Variants in TRMU observed in about 807,000 individuals in gnomAD.
TRMU encodes the protein mitochondrial tRNA-specific 2-thiouridylase 1.
In TRMU, 49 loss-of-function variants were observed where a neutral mutation model predicts 46.9. The ratio of observed to expected loss-of-function variants is 1.05; its 90% CI spans 0.83 to 1.33. The LOEUF is 1.33. Ranked by LOEUF, TRMU falls within the 40% of genes most tolerant of loss-of-function variation. The probability of loss-of-function intolerance (pLI) is 0.00; values close to 1 mark genes in which losing one functional copy is unlikely to be tolerated. For missense variants in TRMU, 572 were observed against 532.4 expected, an observed-to-expected ratio of 1.07 and a Z score of -0.73; for synonymous variants, 241 against 200.9, an observed-to-expected ratio of 1.20 and a Z score of -1.69.
intron 2 of TRMU, among the ~76,000 whole-genome samples, chr22:46,340,678 A>C: frequency 8.0e-6 from 1 of 125,636 alleles, no homozygotes; most frequent in Non-Finnish European, 1.7e-5. Context: ...CGGAGCTGGG[A>C]TTAAACCCCA....
chr22:46,335,873 C>A (rs769563428), intron 1 of TRMU, 27 bp downstream of exon 1: 8 of 1,531,946 alleles, frequency 5.2e-6, no homozygotes, highest in African/African-American at 2.8e-5. Flanking sequence ...TCCCGCCCCC[C>A]GCCGAGCGAA....
rs2078313966 is a variant in TRMU at position 46,348,342 on chromosome 22, CGTTTG to C, written c.478+1800_478+1804del. Among the ~76,000 whole-genome samples the C allele has an allele frequency of 6.6e-6, 1 of 152,202 alleles. No individual in the cohort carries two copies. Among genetic ancestry groups the C allele is most frequent in the Non-Finnish European group, 1.5e-5 (1 of 68,026 alleles). The stretch of plus-strand genomic sequence containing the variant: ...CAGTACTGATGCGTTCTGTTGAGTG[CGTTTG>C]GCATGTGGGAATTGTGATGGTGCAC... On this transcript the variant is annotated intron_variant, in intron 4 of 10. Transcript: ENST00000645190. This position sits in a 1 kb window ranked among gnomAD's most constrained non-coding sequence, Gnocchi z 4.8.
chr22:46,336,249 G>T lies in TRMU; in HGVS notation c.82+403G>T. The T allele has an allele frequency of 1.4e-6, 1 of 704,832 alleles. No individual in the cohort carries two copies. The highest frequency in any genetic ancestry group is 1.8e-6 in the Non-Finnish European group (1 of 555,152). The allele number at this position is 704,832 out of a possible 1,614,324, so 43.7% of individuals were successfully genotyped here. The stretch of plus-strand genomic sequence containing the variant: ...CGGGGGCCTGACCTCTGCACACGCT[G>T]TGGCCGCCCGGTGGGAGGTCCTTGT... On this transcript the variant is annotated intron_variant, in intron 1 of 10. Transcript: ENST00000645190. This position sits in a 1 kb window ranked among gnomAD's most constrained non-coding sequence, Gnocchi z 4.1.
In TRMU at chr22:46,351,184, C is replaced by T. The variant is rs554183578; in HGVS notation, c.651+721C>T. Among the ~76,000 whole-genome samples the T allele has an allele frequency of 3.9e-5, 6 of 152,264 alleles. No homozygotes were observed. Among genetic ancestry groups the T allele is most frequent in the South Asian group, 4.1e-4 (2 of 4,820 alleles). Reference sequence around the variant, plus strand: ...GGCTGGGAAAGTCCAGATGAGGGAACGGCAGTGCAAAGGCCTTGAGGCGAG... The same window carrying T: ...GGCTGGGAAAGTCCAGATGAGGGAATGGCAGTGCAAAGGCCTTGAGGCGAG... On this transcript the variant is annotated intron_variant, in intron 5 of 10. Transcript: ENST00000645190. The surrounding 1 kb of genome is among the most constrained non-coding windows in gnomAD (Gnocchi z 6.4).
Position 46,342,078 on chromosome 22 carries a change from G to A in TRMU, c.249-1184G>A, listed in dbSNP as rs1408018630. ...CACCGACTGGGTGTCCTCTGATTCA[G>A]TTCCGATACCATCTACTTGGAGATA... On this transcript the variant is annotated intron_variant, in intron 2 of 10. Coordinates refer to ENST00000645190, the MANE Select transcript of TRMU (RefSeq NM_018006.5). This position sits in a 1 kb window ranked among gnomAD's most constrained non-coding sequence, Gnocchi z 4.7. 6.6e-6 allele frequency among the ~76,000 whole-genome samples: 1 copy of A among 152,220 alleles called. No homozygotes were observed. Among genetic ancestry groups the A allele is most frequent in the Non-Finnish European group, 1.5e-5 (1 of 68,038 alleles).
At chr22:46,355,884 A>C in intron 9 of TRMU, 106 bp from the exon 10 acceptor site, 2 of 1,305,550 alleles carry the variant, frequency 1.5e-6, no homozygotes, top group Non-Finnish European at 2.2e-6. Context: ...TTCCCCTCTA[A>C]GCAGGGGTTT....
At position 46,338,968 on chromosome 22, in the gene TRMU, A is replaced by G. The variant is rs1347796925; in HGVS notation, c.248+1024A>G. On this transcript the variant is annotated intron_variant, in intron 2 of 10. Transcript: ENST00000645190. This position sits in a 1 kb window ranked among gnomAD's most constrained non-coding sequence, Gnocchi z 4.5. ...TGACTTTGTTTTTTTAATTGAAAAA[A>G]ATTCTCTTTTTTTCCTGCCAACAAA... 6.6e-6 allele frequency among the ~76,000 whole-genome samples: 1 copy of G among 152,040 alleles called. No homozygotes were observed. Among genetic ancestry groups the G allele is most frequent in the Non-Finnish European group, 1.5e-5 (1 of 68,006 alleles).
At position 46,357,035 on chromosome 22, in the gene TRMU, G is replaced by T. The variant is rs1355593104; in HGVS notation, c.*29G>T. On this transcript the variant is annotated 3_prime_UTR_variant, in exon 11 of 11. Coordinates refer to ENST00000645190, the MANE Select transcript of TRMU (RefSeq NM_018006.5). ...AGATGGATCTGCTAGAAGGAACCTG[G>T]AGAGCAGGACCCATGGCTGGGCGGC... The T allele has an allele frequency of 3.7e-6, 6 of 1,612,866 alleles. No individual in the cohort carries two copies. The South Asian group carries it at 6.6e-5, about 18-fold the overall frequency.
In TRMU at chr22:46,347,334, T is replaced by G. The variant is rs2078286479; in HGVS notation, c.478+790T>G. On this transcript the variant is annotated intron_variant, in intron 4 of 10. Coordinates refer to ENST00000645190, the MANE Select transcript of TRMU (RefSeq NM_018006.5). The surrounding 1 kb of genome is among the most constrained non-coding windows in gnomAD (Gnocchi z 5.0). ...GGGGCAGGGCTTTACATACACACAT[T>G]TCTTTTTTAATTATTATTATTAATT... is the stretch of plus-strand genomic sequence containing the variant. 6.6e-6 allele frequency: 1 copy of G among 152,064 alleles called. No homozygotes were observed. The highest frequency in any genetic ancestry group is 1.5e-5 in the Non-Finnish European group (1 of 68,014). 9.4% of individuals were successfully genotyped at this position (152,064 alleles called of 1,614,324 possible).
chr22:46,341,659 T>A (rs1341351382), intron 2 of TRMU, among the ~76,000 whole-genome samples: 1 of 152,102 alleles, frequency 6.6e-6, no homozygotes, highest in Admixed American at 6.5e-5. Flanking sequence ...ATTTTTAAAC[T>A]CCCAAAATAG....
At chr22:46,353,099 G>A (rs949302176) in intron 7 of TRMU, 2 of 161,704 alleles carry the variant, frequency 1.2e-5, no homozygotes, top group Non-Finnish European at 2.7e-5. Context: ...AGGCATTCCT[G>A]AGACAGGTGG....
chr22:46,346,639 C>T (rs2078266109), intron 4 of TRMU, 95 bp downstream of exon 4: 7 of 1,424,396 alleles, frequency 4.9e-6, no homozygotes, highest in Non-Finnish European at 6.8e-6. Context: ...ATCACTGCCA[C>T]CCCTCCCTCT....
At chr22:46,352,480 C>A in intron 7 of TRMU, 150 bp downstream of exon 7, 1 of 862,636 alleles carries the variant, frequency 1.2e-6, no homozygotes. Flanking sequence ...CGGGCACGGC[C>A]TAGGGTGGAA....
Position 46,336,869 on chromosome 22 carries a change from T to G in TRMU, c.83-910T>G, listed in dbSNP as rs1283098259. On this transcript the variant is annotated intron_variant, in intron 1 of 10. Transcript: ENST00000645190. This position sits in a 1 kb window ranked among gnomAD's most constrained non-coding sequence, Gnocchi z 4.1. ...AGTAGGATGTCACTAAGCAGAGACT[T>G]GGAGGTGGAGGCGGCCCTCCCGGCA... Among the ~76,000 whole-genome samples, 1 of 151,900 alleles carries G rather than the reference T, an allele frequency of 6.6e-6. No homozygotes were observed. The highest frequency in any genetic ancestry group is 1.9e-4 in the East Asian group (1 of 5,158).
rs550861764 is a variant in TRMU, at chr22:46,353,351, C to T, written c.773-416C>T. On this transcript the variant is annotated intron_variant, in intron 7 of 10. Transcript: ENST00000645190. ...TGCTGTGTGACATTGTGAGGGTGCG[C>T]AGAGCAGCTGGGGGTAGCCCTGATG... The T allele has an allele frequency of 6.8e-5, 18 of 266,454 alleles. No individual in the cohort carries two copies. In the South Asian group the frequency reaches 7.3e-4, roughly 11 times the overall value. 16.5% of individuals were successfully genotyped at this position (266,454 alleles called of 1,614,324 possible).
rs1052372118 is a variant in TRMU at position 46,347,328 on chromosome 22, A to G, written c.478+784A>G. 2.0e-5 allele frequency: 3 copies of G among 152,042 alleles called. No individual in the cohort carries two copies. Among genetic ancestry groups the G allele is most frequent in the East Asian group, 3.9e-4 (2 of 5,174 alleles). 9.4% of individuals were successfully genotyped at this position (152,042 alleles called of 1,614,324 possible). The stretch of plus-strand genomic sequence containing the variant: ...GGGGCTGGGGCAGGGCTTTACATAC[A>G]CACATTTCTTTTTTAATTATTATTA... On this transcript the variant is annotated intron_variant, in intron 4 of 10. Transcript: ENST00000645190. The surrounding 1 kb of genome is among the most constrained non-coding windows in gnomAD (Gnocchi z 5.0).
At position 46,339,158 on chromosome 22, in the gene TRMU, A is replaced by G. The variant is rs538230677; in HGVS notation, c.248+1214A>G. 2.7e-5 allele frequency among the ~76,000 whole-genome samples: 4 copies of G among 150,502 alleles called. No homozygotes were observed. Among genetic ancestry groups the G allele is most frequent in the South Asian group, 4.2e-4 (2 of 4,738 alleles). On this transcript the variant is annotated intron_variant, in intron 2 of 10. Coordinates refer to ENST00000645190, the MANE Select transcript of TRMU (RefSeq NM_018006.5). This position sits in a 1 kb window ranked among gnomAD's most constrained non-coding sequence, Gnocchi z 4.8. ...ATAAACATAGCTGTTTTTCTTTTCT[A>G]TTTTTTTTTGAGACAGAGCCTCGCT...
Position 46,336,100 on chromosome 22 carries a change from A to C in TRMU, c.82+254A>C. Reference sequence around the variant, plus strand: ...CGCCCCTCTCCACCCACGCGCGCCCACCCACAGTGAGAAGCCGGCGGGCCG... The same window carrying C: ...CGCCCCTCTCCACCCACGCGCGCCCCCCCACAGTGAGAAGCCGGCGGGCCG... On this transcript the variant is annotated intron_variant, in intron 1 of 10. Coordinates refer to ENST00000645190, the MANE Select transcript of TRMU (RefSeq NM_018006.5). The surrounding 1 kb of genome is among the most constrained non-coding windows in gnomAD (Gnocchi z 4.1). 1 of 1,355,872 alleles carries C rather than the reference A, an allele frequency of 7.4e-7. No individual in the cohort carries two copies. The highest frequency in any genetic ancestry group is 9.5e-7 in the Non-Finnish European group (1 of 1,056,384). The allele number at this position is 1,355,872 out of a possible 1,614,324, so 84.0% of individuals were successfully genotyped here. A position where few individuals can be genotyped will look rare whatever the true frequency, so the allele number is the denominator to read the frequency against.
chr22:46,352,693 G>T, intron 7 of TRMU: 2 of 373,432 alleles, frequency 5.4e-6, no homozygotes, highest in Non-Finnish European at 1.0e-5. Flanking sequence ...GAGTAAGGTG[G>T]ACGTCCCGGC....
Sources: gnomAD v4.1 joint callset for allele counts (sites outside exome capture counted in the v4.1 genomes callset) on GRCh38, gnomAD v4.1.1 for gene constraint, Gnocchi (gnomAD v3.1) non-coding constraint, MANE v1.5 for transcripts, NCBI Gene and HGNC (gene_info 2026-07-23, HGNC 2026-07-21) for gene names.